Variants in KLHL30 observed in about 807,000 individuals in gnomAD.
KLHL30 encodes kelch-like protein 30.
A neutral mutation model predicts 55.0 loss-of-function variants in KLHL30; 55 were observed. The observed-to-expected ratio is 1.00, with a 90% confidence interval of 0.80 to 1.25. KLHL30 has a LOEUF of 1.25. Ranked by LOEUF, KLHL30 falls within the 50% of genes most tolerant of loss-of-function variation. The pLI is 0.00. For missense variants in KLHL30, 786 were observed against 811.6 expected (o/e 0.97, Z 0.38); for synonymous variants, 356 against 372.6 (o/e 0.96, Z 0.51).
rs1156958496 is a variant in KLHL30, at chr2:238,144,911, T to G, written c.917T>G (p.Met306Arg). The change falls in exon 4 of 8, where the codon ATG becomes AGG. Residue 306 changes from methionine to arginine, a missense_variant. Transcript: ENST00000409223. ...AFYNSKAKRW[M>R]ALPDFPDYHK... ...TCTCTCTTCCTGCCAGAGAGGTGGATGGCACTTCCAGACTTCCCCGACTAT... is the reference window on the plus strand; with the variant it reads ...TCTCTCTTCCTGCCAGAGAGGTGGAGGGCACTTCCAGACTTCCCCGACTAT... The G allele has an allele frequency of 3.7e-6, 6 of 1,610,106 alleles. No homozygotes were observed. Among genetic ancestry groups the G allele is most frequent in the Non-Finnish European group, 5.1e-6 (6 of 1,178,312 alleles).
chr2:238,141,443 C>A lies in KLHL30; in HGVS notation c.689C>A (p.Pro230His). 1 of 1,544,374 alleles carries A rather than the reference C, an allele frequency of 6.5e-7. No homozygotes were observed. The highest frequency in any genetic ancestry group is 8.7e-7 in the Non-Finnish European group (1 of 1,151,070). ...SLVHLDAVPR[P>H]CVQQLLASEP... is the part of the protein sequence containing the mutation. ...GTGCACCTGGACGCCGTGCCCAGGCCCTGCGTGCAGCAACTGCTGGCCTCA... is the reference window on the plus strand; with the variant it reads ...GTGCACCTGGACGCCGTGCCCAGGCACTGCGTGCAGCAACTGCTGGCCTCA... The change falls in exon 2 of 8, where the codon CCC becomes CAC. Residue 230 changes from proline to histidine, a missense_variant. Transcript: ENST00000409223.
intron 7 of KLHL30, among the ~76,000 whole-genome samples, chr2:238,149,885 G>A (rs1461192965): frequency 6.6e-6 from 1 of 152,152 alleles, no homozygotes; most frequent in East Asian, 1.9e-4. Context: ...GATGGGTCCT[G>A]GCACCAAGCC....
chr2:238,145,887 G>A lies in KLHL30; in HGVS notation c.1150+55G>A, dbSNP rs1483647916. 2.0e-6 allele frequency: 3 copies of A among 1,492,078 alleles called. No homozygotes were observed. In the Admixed American group the frequency reaches 6.6e-5, roughly 33 times the overall value. 92.4% of individuals were successfully genotyped at this position (1,492,078 alleles called of 1,614,324 possible). A position where few individuals can be genotyped will look rare whatever the true frequency, so the allele number is the denominator to read the frequency against. On this transcript the variant is annotated intron_variant, in intron 5 of 7. Coordinates refer to ENST00000409223, the MANE Select transcript of KLHL30 (RefSeq NM_198582.4). ...GGCCTGGTTCTAGCCTCTCATCCCT[G>A]CAGCAACAGGAACCGAGAGCCCCAT...
At chr2:238,148,914 G>A in intron 6 of KLHL30, 93 bp from the exon 7 acceptor site, 1 of 1,281,824 alleles carries the variant, frequency 7.8e-7, no homozygotes, top group Non-Finnish European at 1.1e-6. Flanking sequence ...GTTCAGAGAG[G>A]CACTGAGTCC....
intron 1 of KLHL30, among the ~76,000 whole-genome samples, chr2:238,139,841 C>T (rs1451589529): frequency 1.3e-5 from 2 of 152,218 alleles, no homozygotes; most frequent in Non-Finnish European, 2.9e-5. Context: ...TTGATCTCTC[C>T]TAGGGATGGT....
At chr2:238,144,784 C>T (rs1008234721) in intron 3 of KLHL30, 118 bp from the exon 4 acceptor site, 6 of 772,314 alleles carry the variant, frequency 7.8e-6, no homozygotes, top group Non-Finnish European at 1.3e-5. Context: ...CCTTTCCCCA[C>T]CAGTGAGGGG....
At position 238,142,949 on chromosome 2, in the gene KLHL30, G is replaced by A. The variant is rs377693008; in HGVS notation, c.907+18G>A. On this transcript the variant is annotated intron_variant, in intron 3 of 7. Coordinates refer to ENST00000409223, the MANE Select transcript of KLHL30 (RefSeq NM_198582.4). ...CAAGGCCAGTGAGTACCCCTCCCGCGTCCAGACCCACCTGCTGTCTCTCTG... is the reference window on the plus strand; with the variant it reads ...CAAGGCCAGTGAGTACCCCTCCCGCATCCAGACCCACCTGCTGTCTCTCTG... 14 of 1,503,376 alleles carry A rather than the reference G, an allele frequency of 9.3e-6. No individual in the cohort carries two copies. Among genetic ancestry groups the A allele is most frequent in the African/African-American group, 1.5e-5 (1 of 67,728 alleles). The allele number at this position is 1,503,376 out of a possible 1,614,324, so 93.1% of individuals were successfully genotyped here.
chr2:238,140,741 CT>C lies in KLHL30; in HGVS notation c.-13del. 1 of 1,489,140 alleles carries C rather than the reference CT, an allele frequency of 6.7e-7. No individual in the cohort carries two copies. The highest frequency in any genetic ancestry group is 9.0e-7 in the Non-Finnish European group (1 of 1,111,604). 92.2% of individuals were successfully genotyped at this position (1,489,140 alleles called of 1,614,324 possible). A position where few individuals can be genotyped will look rare whatever the true frequency, so the allele number is the denominator to read the frequency against. ...TGAGTGGGTGGACTACTGAGGTCCC[CT>C]GGGCACGGCGTCATGGTGCGGAACG... is the stretch of plus-strand genomic sequence containing the variant. On this transcript the variant is annotated 5_prime_UTR_variant, in exon 2 of 8. Coordinates refer to ENST00000409223, the MANE Select transcript of KLHL30 (RefSeq NM_198582.4).
At position 238,140,762 on chromosome 2, in the gene KLHL30, G is replaced by A. The variant is rs371686600; in HGVS notation, c.8G>A (p.Arg3Gln). 290 of 1,524,650 alleles carry A rather than the reference G, an allele frequency of 1.9e-4. No individual in the cohort carries two copies. Among genetic ancestry groups the A allele is most frequent in the Non-Finnish European group, 2.4e-4 (273 of 1,130,052 alleles). 94.4% of individuals were successfully genotyped at this position (1,524,650 alleles called of 1,614,324 possible). ...TCCCCTGGGCACGGCGTCATGGTGC[G>A]GAACGTGGATGACCTGGATTTCCAC... MV[R>Q]NVDDLDFHLP... is the part of the protein sequence containing the mutation. The change falls in exon 2 of 8, where the codon CGG becomes CAG. Residue 3 changes from arginine (R) to glutamine (Q), a missense_variant. Transcript: ENST00000409223.
rs139410791 is a variant in KLHL30, at chr2:238,151,868, G to A, written c.*803G>A. 5.1e-6 allele frequency: 5 copies of A among 985,286 alleles called. No individual in the cohort carries two copies. The highest frequency in any genetic ancestry group is 1.1e-4 in the East Asian group (1 of 8,812). 61.0% of individuals were successfully genotyped at this position (985,286 alleles called of 1,614,324 possible). On this transcript the variant is annotated 3_prime_UTR_variant, in exon 8 of 8. Transcript: ENST00000409223. Reference sequence around the variant, plus strand: ...AGAACAAAGGCTCTTCATTAGAATGGAATTTCCCACCAGGGGACGACTCTT... The same window carrying A: ...AGAACAAAGGCTCTTCATTAGAATGAAATTTCCCACCAGGGGACGACTCTT...
chr2:238,148,621 A>G (rs1216815663), intron 6 of KLHL30, among the ~76,000 whole-genome samples: 1 of 132,748 alleles, frequency 7.5e-6, no homozygotes, highest in Non-Finnish European at 1.6e-5. Flanking sequence ...GGCAAGGCCC[A>G]CCTGGGTACC....
At chr2:238,142,981 C>A (rs753923849) in intron 3 of KLHL30, 50 bp downstream of exon 3, 2 of 1,481,686 alleles carry the variant, frequency 1.3e-6, no homozygotes, top group South Asian at 1.5e-5. Flanking sequence ...TCTGTCCCAG[C>A]GGGAGCCGCT....
intron 3 of KLHL30, among the ~76,000 whole-genome samples, 187 bp from the exon 4 acceptor site, chr2:238,144,715 A>G (rs1692616801): frequency 6.6e-6 from 1 of 152,000 alleles, no homozygotes; most frequent in Non-Finnish European, 1.5e-5. Flanking sequence ...GGGGAGACAC[A>G]ATGAGCCAGA....
rs1692750406 is a variant in KLHL30 at position 238,151,200 on chromosome 2, T to C, written c.*135T>C. 8.1e-7 allele frequency: 1 copy of C among 1,231,184 alleles called. No individual in the cohort carries two copies. Among genetic ancestry groups the C allele is most frequent in the African/African-American group, 1.5e-5 (1 of 65,888 alleles). The allele number at this position is 1,231,184 out of a possible 1,614,324, so 76.3% of individuals were successfully genotyped here. ...CAAGCTGCGCTCAGGCCACCAGGGG[T>C]GATCAGACGGCATGGCTTGGAGGAC... On this transcript the variant is annotated 3_prime_UTR_variant, in exon 8 of 8. Coordinates refer to ENST00000409223, the MANE Select transcript of KLHL30 (RefSeq NM_198582.4).
At position 238,143,887 on chromosome 2, in the gene KLHL30, T is replaced by C. The variant is rs1226987111; in HGVS notation, c.907+956T>C. Among the ~76,000 whole-genome samples, 3 of 152,344 alleles carry C rather than the reference T, an allele frequency of 2.0e-5. No homozygotes were observed. The South Asian group carries it at 6.2e-4, about 32-fold the overall frequency. ...ACGGTGCCTGCCCACAGTGCCAGGCTCTGCTCCCAGGGAGGCCTGGAATTC... is the reference window on the plus strand; with the variant it reads ...ACGGTGCCTGCCCACAGTGCCAGGCCCTGCTCCCAGGGAGGCCTGGAATTC... On this transcript the variant is annotated intron_variant, in intron 3 of 7. Coordinates refer to ENST00000409223, the MANE Select transcript of KLHL30 (RefSeq NM_198582.4).
intron 1 of KLHL30, among the ~76,000 whole-genome samples, chr2:238,139,711 C>G (rs1221443752): frequency 6.6e-6 from 1 of 152,184 alleles, no homozygotes; most frequent in Admixed American, 6.5e-5. Context: ...TACCTGTGGA[C>G]GCGCGGCCGC....
intron 4 of KLHL30, 162 bp from the exon 5 acceptor site, chr2:238,145,515 C>G (rs1354447348): frequency 4.1e-6 from 1 of 243,354 alleles, no homozygotes; most frequent in Non-Finnish European, 6.6e-6. Context: ...GGGACCTGGG[C>G]AGTCACACAG....
Position 238,151,978 on chromosome 2 carries a change from A to G in KLHL30, c.*913A>G, listed in dbSNP as rs1692764457. 2 of 985,378 alleles carry G rather than the reference A, an allele frequency of 2.0e-6. No homozygotes were observed. The highest frequency in any genetic ancestry group is 9.4e-5 in the South Asian group (2 of 21,292). The allele number at this position is 985,378 out of a possible 1,614,324, so 61.0% of individuals were successfully genotyped here. A position where few individuals can be genotyped will look rare whatever the true frequency, so the allele number is the denominator to read the frequency against. On this transcript the variant is annotated 3_prime_UTR_variant, in exon 8 of 8. Transcript: ENST00000409223. ...CATGCAGCCCGACTCCGGCTGGCTC[A>G]GGCTCCGAGTGGCTTCTCCCTCATC...
chr2:238,141,331 G>C lies in KLHL30; in HGVS notation c.577G>C (p.Glu193Gln), dbSNP rs1237723524. 6.3e-7 allele frequency: 1 copy of C among 1,597,194 alleles called. No homozygotes were observed. The highest frequency in any genetic ancestry group is 2.2e-5 in the East Asian group (1 of 44,662). Residue 193 changes from glutamate to glutamine, a missense_variant, in exon 2 of 8, where the codon GAG becomes CAG. Transcript: ENST00000409223. Reference sequence around the variant, plus strand: ...CGGCGACCTGCTGCAGGTACAGCCGGAGCAAAGCCGACTCGAGGCCCTGAT... The same window carrying C: ...CGGCGACCTGCTGCAGGTACAGCCGCAGCAAAGCCGACTCGAGGCCCTGAT... ...LAGDLLQVQP[E>Q]QSRLEALMRW...
Sources: allele counts gnomAD v4.1 joint callset (sites outside exome capture counted in the v4.1 genomes callset), GRCh38; gene constraint gnomAD v4.1.1; transcripts MANE v1.5; gene names NCBI Gene and HGNC (gene_info 2026-07-23, HGNC 2026-07-21).